Variants in DENND4A observed in about 807,000 individuals in gnomAD.
DENND4A encodes the protein C-myc promoter-binding protein.
Under a neutral mutation model 199.3 loss-of-function variants are expected in DENND4A, and 70 were observed. That is an observed-to-expected ratio of 0.35 (90% confidence interval 0.29 to 0.43). DENND4A has a LOEUF of 0.43. Ranked by LOEUF, DENND4A falls within the 20% of genes least tolerant of loss-of-function variation. DENND4A has a pLI of 1.00. For missense variants in DENND4A, 1,723 were observed against 2,255.8 expected (o/e 0.76, Z 4.78); for synonymous variants, 686 against 766.9 (o/e 0.89, Z 1.74).
rs1314118962 is a variant in DENND4A at position 65,691,508 on chromosome 15, C to G, written c.3086G>C (p.Ser1029Thr). 1.3e-6 allele frequency: 2 copies of G among 1,573,970 alleles called. No homozygotes were observed. The highest frequency in any genetic ancestry group is 2.0e-5 in the Admixed American group (1 of 51,144). The part of the protein sequence containing the change: ...AGKISGESME[S>T]TPELLLISSL... ...TGATATTAAGAGCAGCTCAGGTGTG[C>G]TTTCTGAAAAACAAGTAAAGTGCTT... Residue 1029 changes from serine to threonine, a missense_variant, in exon 23 of 33, where the codon AGC becomes ACC. Physicochemically the swap from Ser to Thr is moderately conservative, Grantham distance 58. Transcript: ENST00000443035.
intron 14 of DENND4A, among the ~76,000 whole-genome samples, chr15:65,714,123 T>C (rs557937678): frequency 2.6e-5 from 4 of 152,198 alleles, no homozygotes; most frequent in Non-Finnish European, 5.9e-5. Context: ...GAAACTTTAT[T>C]ATCTTTGGCC....
Position 65,715,633 on chromosome 15 carries a change from A to T in DENND4A, c.1808-10T>A. 6.5e-7 allele frequency: 1 copy of T among 1,533,866 alleles called. No homozygotes were observed. The highest frequency in any genetic ancestry group is 2.3e-5 in the Admixed American group (1 of 44,290). On this transcript the variant is annotated splice_polypyrimidine_tract_variant and intron_variant, in intron 13 of 32. Transcript: ENST00000443035. ...CGGCTTCTTAAGAAAGCTGTTCAACAAAAATATATAATGTCAGAATACATA... is the reference window on the plus strand; with the variant it reads ...CGGCTTCTTAAGAAAGCTGTTCAACTAAAATATATAATGTCAGAATACATA...
intron 4 of DENND4A, among the ~76,000 whole-genome samples, chr15:65,745,479 A>G (rs2140514499): frequency 6.6e-6 from 1 of 152,352 alleles, no homozygotes; most frequent in South Asian, 2.1e-4. Flanking sequence ...CACAGCAATG[A>G]ACATAAGCAA....
At chr15:65,711,803 C>G (rs552421999) in intron 14 of DENND4A, among the ~76,000 whole-genome samples, 1 of 152,158 alleles carries the variant, frequency 6.6e-6, no homozygotes, top group African/African-American at 2.4e-5. Context: ...TTATTCCACA[C>G]ACACACAAAA....
intron 24 of DENND4A, 58 bp from the exon 25 acceptor site, chr15:65,671,944 A>C: frequency 9.6e-7 from 1 of 1,046,608 alleles, no homozygotes; most frequent in Non-Finnish European, 1.5e-6. Flanking sequence ...GAAAGGATAT[A>C]AGAATCTTTT....
chr15:65,664,549 G>A lies in DENND4A; in HGVS notation c.5522+11C>T, dbSNP rs774347121. The A allele has an allele frequency of 6.2e-7, 1 of 1,608,592 alleles. No homozygotes were observed. The highest frequency in any genetic ancestry group is 8.5e-7 in the Non-Finnish European group (1 of 1,176,574). ...AGGAGAACAATATATTCGTCTAAGAGAAGGACTTACCTCTGTCTTTTAAAA... is the reference window on the plus strand; with the variant it reads ...AGGAGAACAATATATTCGTCTAAGAAAAGGACTTACCTCTGTCTTTTAAAA... On this transcript the variant is annotated intron_variant, in intron 31 of 32. Coordinates refer to ENST00000443035, the MANE Select transcript of DENND4A (RefSeq NM_001320835.1).
chr15:65,664,848 A>T, intron 30 of DENND4A, 126 bp from the exon 31 acceptor site: 1 of 814,208 alleles, frequency 1.2e-6, no homozygotes. Context: ...ATAGATAAAG[A>T]AATAGGAATC....
chr15:65,775,152 A>G (rs1199423855), intron 1 of DENND4A, among the ~76,000 whole-genome samples: 2 of 152,084 alleles, frequency 1.3e-5, no homozygotes, highest in East Asian at 3.9e-4. Context: ...ACCAACCACT[A>G]TTAGAAAAAT....
chr15:65,737,248 G>GGGGTTTCACTATGTTGCTCAGGC (rs2076144146), intron 7 of DENND4A, among the ~76,000 whole-genome samples: 1 of 152,046 alleles, frequency 6.6e-6, no homozygotes, highest in Non-Finnish European at 1.5e-5. Flanking sequence ...TTGTAGAGAT[G>GGGGTTTCACTATGTTGCTCAGGC]GGGTTTCACT....
intron 14 of DENND4A, among the ~76,000 whole-genome samples, chr15:65,712,092 C>T (rs141803413): frequency 4.7e-4 from 72 of 152,300 alleles, no homozygotes; most frequent in African/African-American, 1.7e-3. Flanking sequence ...GGCATGTATC[C>T]ATCTTTTCCC....
intron 1 of DENND4A, among the ~76,000 whole-genome samples, chr15:65,786,018 C>T (rs1444651019): frequency 6.6e-6 from 1 of 152,028 alleles, no homozygotes; most frequent in Non-Finnish European, 1.5e-5. Context: ...AAATTGTTTG[C>T]AATATCCTAT....
intron 32 of DENND4A, among the ~76,000 whole-genome samples, chr15:65,663,731 C>T (rs1165166716): frequency 6.6e-6 from 1 of 152,110 alleles, no homozygotes; most frequent in Non-Finnish European, 1.5e-5. Context: ...CTCACTGCAG[C>T]CTCGACTGCC....
chr15:65,790,809 A>T (rs529123333), intron 1 of DENND4A, among the ~76,000 whole-genome samples: 1 of 152,276 alleles, frequency 6.6e-6, no homozygotes, highest in African/African-American at 2.4e-5. Context: ...AAACTGAATA[A>T]CTTGCTCAAG....
chr15:65,668,599 T>C (rs1487301002), intron 27 of DENND4A, among the ~76,000 whole-genome samples: 1 of 152,066 alleles, frequency 6.6e-6, no homozygotes, highest in Non-Finnish European at 1.5e-5. Flanking sequence ...GGTGGGTGGA[T>C]TGCCTGAGGT....
intron 7 of DENND4A, among the ~76,000 whole-genome samples, chr15:65,735,867 G>T (rs1266305293): frequency 6.6e-6 from 1 of 152,064 alleles, no homozygotes; most frequent in Non-Finnish European, 1.5e-5. Flanking sequence ...CGAGGCAGGT[G>T]TTTCACCTGA....
chr15:65,684,901 C>T lies in DENND4A; in HGVS notation c.4179+5514G>A, dbSNP rs190000464. Among the ~76,000 whole-genome samples, 195 of 151,138 alleles carry T rather than the reference C, an allele frequency of 1.3e-3. 2 individuals are homozygous for T. In the East Asian group the frequency reaches 0.016, roughly 12 times the overall value. On this transcript the variant is annotated intron_variant, in intron 23 of 32. Transcript: ENST00000443035. ...GTGCAATGGCGCGATCTTGGCTCAC[C>T]GCAATCTCCGCCTCCGGGCTTCAAG... is the stretch of plus-strand genomic sequence containing the variant.
rs565010056 is a variant in DENND4A, at chr15:65,759,934, A to G, written c.-23+1426T>C. Among the ~76,000 whole-genome samples the G allele has an allele frequency of 7.9e-5, 12 of 152,212 alleles. No individual in the cohort carries two copies. The East Asian group carries it at 2.1e-3, about 27-fold the overall frequency. ...ATTTATTACTTCTACTTATTTTGCT[A>G]ATTTTTTTTAAAGGGTACAATGAAT... On this transcript the variant is annotated intron_variant, in intron 2 of 32. Coordinates refer to ENST00000443035, the MANE Select transcript of DENND4A (RefSeq NM_001320835.1).
chr15:65,782,448 G>A (rs888988453), intron 1 of DENND4A, among the ~76,000 whole-genome samples: 2 of 151,878 alleles, frequency 1.3e-5, no homozygotes, highest in Non-Finnish European at 2.9e-5. Flanking sequence ...ACTACTCTTC[G>A]AACTTTTCTT....
intron 23 of DENND4A, among the ~76,000 whole-genome samples, chr15:65,677,168 A>G (rs1056940861): frequency 6.6e-6 from 1 of 152,228 alleles, no homozygotes; most frequent in African/African-American, 2.4e-5. Flanking sequence ...ATTTTACTAC[A>G]TAAAAATGTT....
Sources: allele counts gnomAD v4.1 joint callset (sites outside exome capture counted in the v4.1 genomes callset), GRCh38; gene constraint gnomAD v4.1.1; transcripts MANE v1.5; gene names NCBI Gene and HGNC (gene_info 2026-07-23, HGNC 2026-07-21).